Variants in C11orf54 observed in about 807,000 individuals in gnomAD.
C11orf54 encodes beta-keto L-gulonate decarboxylase.
Under a neutral mutation model 35.5 loss-of-function variants are expected in C11orf54, and 29 were observed. That is an observed-to-expected ratio of 0.82 (90% CI 0.61 to 1.11). The LOEUF is 1.11. Among genes scored for constraint, C11orf54 ranks in the 50% most tolerant of loss-of-function variants. The pLI, the probability that C11orf54 is intolerant of heterozygous loss-of-function variation, is 0.00. For synonymous variants in C11orf54, 108 were observed against 121.1 expected (o/e 0.89, Z 0.71); for missense variants, 373 against 369.2 (o/e 1.01, Z -0.08).
chr11:93,754,429 C>G (rs621355), intron 5 of C11orf54, among the ~76,000 whole-genome samples: 84,297 of 152,020 alleles, frequency 0.55, 24,780 homozygotes, highest in Admixed American at 0.69. Context: ...CCTTCTTCCA[C>G]ACCAAATAGT....
At chr11:93,753,475 T>C (rs913812279) in intron 3 of C11orf54, among the ~76,000 whole-genome samples, 3 of 152,210 alleles carry the variant, frequency 2.0e-5, no homozygotes, top group Admixed American at 1.3e-4. Context: ...CCACCAACTT[T>C]ATAAGCCATG....
At chr11:93,750,569 T>C in intron 3 of C11orf54, 125 bp downstream of exon 3, 1 of 712,108 alleles carries the variant, frequency 1.4e-6, no homozygotes, top group Middle Eastern at 3.9e-4. Context: ...TTAGGCTAAA[T>C]TGTGCCAAAT....
At position 93,761,619 on chromosome 11, in the gene C11orf54, C is replaced by T. The variant is rs1317283432; in HGVS notation, c.879C>T (p.Tyr293=). The part of the protein sequence containing the change: ...TTPDIVEYLG[Y]FLPAEFLYRI... ...CAGATATAGTGGAATATCTTGGATA[C>T]TTCTTACCTGCAGAGTTTCTCTATC... The change falls in exon 9 of 9, where the codon TAC becomes TAT. Residue 293 remains tyrosine (Y), a synonymous_variant. Transcript: ENST00000354421. 1 of 1,613,334 alleles carries T rather than the reference C, an allele frequency of 6.2e-7. No individual in the cohort carries two copies. The highest frequency in any genetic ancestry group is 2.2e-5 in the East Asian group (1 of 44,830).
At chr11:93,757,019 TAA>T (rs745609129) in intron 6 of C11orf54, among the ~76,000 whole-genome samples, 1 of 152,256 alleles carries the variant, frequency 6.6e-6, no homozygotes, top group South Asian at 2.1e-4. Flanking sequence ...ACACGTATGT[TAA>T]GAGTCTCTAG....
At chr11:93,761,100 T>C (rs901392738) in intron 8 of C11orf54, among the ~76,000 whole-genome samples, 3 of 152,226 alleles carry the variant, frequency 2.0e-5, no homozygotes, top group Admixed American at 2.0e-4. Flanking sequence ...CAAGTGTCAG[T>C]TGAGAAGTTA....
chr11:93,755,752 C>CAAA (rs11452678), intron 6 of C11orf54, among the ~76,000 whole-genome samples: 12 of 109,732 alleles, frequency 1.1e-4, no homozygotes, highest in East Asian at 2.6e-4. Flanking sequence ...GACTCTGTCT[C>CAAA]AAAAAAAAAA....
chr11:93,749,147 A>C (rs1185608792), intron 2 of C11orf54, among the ~76,000 whole-genome samples: 2 of 150,834 alleles, frequency 1.3e-5, no homozygotes, highest in East Asian at 3.9e-4. Flanking sequence ...CCATCTCAAA[A>C]AAAAAAAAAA....
Position 93,762,962 on chromosome 11 carries a change from C to A in C11orf54, c.*1274C>A, listed in dbSNP as rs967082987. 6.6e-6 allele frequency: 1 copy of A among 152,158 alleles called. No homozygotes were observed. The highest frequency in any genetic ancestry group is 1.9e-4 in the East Asian group (1 of 5,186). The allele number at this position is 152,158 out of a possible 1,614,324, so 9.4% of individuals were successfully genotyped here. On this transcript the variant is annotated 3_prime_UTR_variant, in exon 9 of 9. Transcript: ENST00000354421. ...TTTAGGAAGTCTTCAGTACTAAGTA[C>A]ATAATTTTCAAATAATATTTTTTAA... is the stretch of plus-strand genomic sequence containing the variant.
chr11:93,751,875 T>C (rs899661365), intron 3 of C11orf54, among the ~76,000 whole-genome samples: 3 of 144,546 alleles, frequency 2.1e-5, no homozygotes, highest in African/African-American at 7.8e-5. Flanking sequence ...AATCTCGCTC[T>C]GTCGCCCAGA....
At chr11:93,759,656 TAATA>T (rs760444263) in intron 7 of C11orf54, 82 bp from the exon 8 acceptor site, 36 of 592,538 alleles carry the variant, frequency 6.1e-5, no homozygotes, top group Middle Eastern at 5.4e-4. Context: ...TAAACAATAA[TAATA>T]AATAAGTAAA....
rs1442561185 is a variant in C11orf54 at position 93,764,342 on chromosome 11, T to C, written c.*2654T>C. The C allele has an allele frequency of 6.6e-6, 1 of 152,270 alleles. No homozygotes were observed. The highest frequency in any genetic ancestry group is 2.4e-5 in the African/African-American group (1 of 41,456). The allele number at this position is 152,270 out of a possible 1,614,324, so 9.4% of individuals were successfully genotyped here. On this transcript the variant is annotated 3_prime_UTR_variant, in exon 9 of 9. Transcript: ENST00000354421. ...CTACAGATACCAACACTGCCTTTAC[T>C]CTTCCATTAGTGTCCTCCAAAATGG...
intron 7 of C11orf54, among the ~76,000 whole-genome samples, chr11:93,759,080 C>T (rs1247728207): frequency 1.3e-5 from 2 of 152,206 alleles, no homozygotes; most frequent in African/African-American, 4.8e-5. Context: ...ATTAGTTCAA[C>T]CATTGTGGAA....
intron 1 of C11orf54, chr11:93,742,925 CTA>C (rs1274267006): frequency 6.6e-6 from 1 of 152,158 alleles, no homozygotes; most frequent in African/African-American, 2.4e-5. Flanking sequence ...GGGAAAAGTG[CTA>C]TTAAAGGGAA....
rs1315767451 is a variant in C11orf54 at position 93,747,380 on chromosome 11, A to G, written c.-14A>G. On this transcript the variant is annotated 5_prime_UTR_variant, in exon 2 of 9. Transcript: ENST00000354421. ...GCTCTATTTGTCCAACCTCACACCT[A>G]AAGAAGAAAGAAAATGGCTTGTGCT... The G allele has an allele frequency of 1.3e-6, 2 of 1,583,472 alleles. No homozygotes were observed. The highest frequency in any genetic ancestry group is 2.3e-5 in the East Asian group (1 of 42,792).
Position 93,764,056 on chromosome 11 carries a change from T to G in C11orf54, c.*2368T>G, listed in dbSNP as rs987289913. ...TTGCCCAGGCTGGGCTCAAGTCATC[T>G]TCCTGCCTCGGCCTCCCAAAGTGCT... On this transcript the variant is annotated 3_prime_UTR_variant, in exon 9 of 9. Coordinates refer to ENST00000354421, the MANE Select transcript of C11orf54 (RefSeq NM_001286069.2). The G allele has an allele frequency of 1.3e-5, 2 of 152,308 alleles. No individual in the cohort carries two copies. Among genetic ancestry groups the G allele is most frequent in the African/African-American group, 4.8e-5 (2 of 41,438 alleles). 9.4% of individuals were successfully genotyped at this position (152,308 alleles called of 1,614,324 possible).
rs1591335125 is a variant in C11orf54, at chr11:93,747,405, T to C, written c.12T>C (p.Ala4=). Reference sequence around the variant, plus strand: ...AAAGAAGAAAGAAAATGGCTTGTGCTGAGTTTTCTTTTCATGTACCAAGTC... The same window carrying C: ...AAAGAAGAAAGAAAATGGCTTGTGCCGAGTTTTCTTTTCATGTACCAAGTC... MAC[A]EFSFHVPSLE... Residue 4 remains alanine (A), a synonymous_variant, in exon 2 of 9, where the codon GCT becomes GCC. Transcript: ENST00000354421. 6.2e-7 allele frequency: 1 copy of C among 1,601,330 alleles called. No homozygotes were observed. The highest frequency in any genetic ancestry group is 8.5e-7 in the Non-Finnish European group (1 of 1,175,176).
At chr11:93,750,226 CCTT>C in intron 2 of C11orf54, 117 bp from the exon 3 acceptor site, 1 of 673,302 alleles carries the variant, frequency 1.5e-6, no homozygotes, top group Non-Finnish European at 2.6e-6. Flanking sequence ...ACCATTTCCC[CCTT>C]CTTTTTTATT....
Position 93,761,628 on chromosome 11 carries a change from T to G in C11orf54, c.888T>G (p.Pro296=). The change falls in exon 9 of 9, where the codon CCT becomes CCG. Residue 296 remains proline, a synonymous_variant. Transcript: ENST00000354421. The stretch of plus-strand genomic sequence containing the variant: ...TGGAATATCTTGGATACTTCTTACC[T>G]GCAGAGTTTCTCTATCGCATTGATC... ...DIVEYLGYFL[P]AEFLYRIDQP... is the part of the protein sequence containing the mutation. The G allele has an allele frequency of 6.2e-7, 1 of 1,613,122 alleles. No individual in the cohort carries two copies. Among genetic ancestry groups the G allele is most frequent in the Non-Finnish European group, 8.5e-7 (1 of 1,179,596 alleles).
chr11:93,752,792 A>G (rs1442839337), intron 3 of C11orf54, among the ~76,000 whole-genome samples: 1 of 121,534 alleles, frequency 8.2e-6, no homozygotes. Flanking sequence ...TCTGTCACCC[A>G]GGCTGGAGTG....
Sources: allele counts gnomAD v4.1 joint callset (sites outside exome capture counted in the v4.1 genomes callset), GRCh38; gene constraint gnomAD v4.1.1; transcripts MANE v1.5; gene names NCBI Gene and HGNC (gene_info 2026-07-23, HGNC 2026-07-21).